The following SMPD4 variants were observed in gnomAD, a reference collection of about 807,000 sequenced individuals.
SMPD4 encodes neutral sphingomyelinase 3.
SMPD4 carries 58 observed loss-of-function variants against 97.8 expected under a neutral mutation model. That is an observed-to-expected ratio of 0.59 (90% CI 0.48 to 0.74). SMPD4 has a LOEUF of 0.74. Ranked by LOEUF, SMPD4 falls within the 30% of genes least tolerant of loss-of-function variation. The probability of loss-of-function intolerance (pLI) is 0.00; values close to 1 mark genes in which losing one functional copy is unlikely to be tolerated. For synonymous variants in SMPD4, 388 were observed against 450.0 expected, an observed-to-expected ratio of 0.86 and a Z score of 1.74; for missense variants, 853 against 1,080.5, an observed-to-expected ratio of 0.79 and a Z score of 2.95.
intron 9 of SMPD4, among the ~76,000 whole-genome samples, chr2:130,165,744 T>C (rs1687868207): frequency 6.6e-6 from 1 of 152,188 alleles, no homozygotes; most frequent in Non-Finnish European, 1.5e-5. Flanking sequence ...TCCTTGTTTT[T>C]CATTAGAAGA....
In SMPD4 at chr2:130,164,839, C is replaced by G. The variant is rs530162357; in HGVS notation, c.793-394G>C. On this transcript the variant is annotated intron_variant, in intron 9 of 19. Transcript: ENST00000680298. ...AAAAGGCAACCAACAGGCATGGTGG[C>G]TCAACCCTGTCATCCCAGCACTTTG... Among the ~76,000 whole-genome samples, 4 of 152,224 alleles carry G rather than the reference C, an allele frequency of 2.6e-5. No individual in the cohort carries two copies. In the South Asian group the frequency reaches 8.3e-4, roughly 32 times the overall value.
intron 1 of SMPD4, among the ~76,000 whole-genome samples, chr2:130,178,497 G>A (rs1042473448): frequency 6.6e-6 from 1 of 152,082 alleles, no homozygotes; most frequent in Non-Finnish European, 1.5e-5. Context: ...TAAGCCATGA[G>A]AAAACTAGGA....
intron 8 of SMPD4, among the ~76,000 whole-genome samples, chr2:130,170,381 G>C (rs1688332268): frequency 6.9e-6 from 1 of 143,978 alleles, no homozygotes; most frequent in South Asian, 2.2e-4. Flanking sequence ...CAGCTACTTG[G>C]GACTGAGCCA....
chr2:130,158,625 C>G (rs769912121), intron 11 of SMPD4, among the ~76,000 whole-genome samples: 1 of 152,186 alleles, frequency 6.6e-6, no homozygotes, highest in Non-Finnish European at 1.5e-5. Flanking sequence ...TCCTGGAGAT[C>G]TAGCCGGAGA....
intron 8 of SMPD4, among the ~76,000 whole-genome samples, chr2:130,168,321 G>A (rs1035961771): frequency 6.6e-6 from 1 of 152,130 alleles, no homozygotes; most frequent in Non-Finnish European, 1.5e-5. Context: ...ATACTTGGGG[G>A]GTTGAGACAG....
chr2:130,173,566 C>G lies in SMPD4; in HGVS notation c.217G>C (p.Gly73Arg). 1.2e-6 allele frequency: 2 copies of G among 1,613,688 alleles called. No individual in the cohort carries two copies. The highest frequency in any genetic ancestry group is 1.7e-6 in the Non-Finnish European group (2 of 1,179,748). Residue 73 changes from glycine to arginine, a missense_variant, in exon 4 of 20, where the codon GGG becomes CGG. Coordinates refer to ENST00000680298, the MANE Select transcript of SMPD4 (RefSeq NM_017951.5). ...CTGTACTCCACAGGATTCACGCGCC[C>G]CTGTAAGCAGCGGAGGTTCCAGCCA... ...LVGWNLRCLQGRVNPVEYSIV... is the reference protein window; with the variant it reads ...LVGWNLRCLQRRVNPVEYSIV...
At chr2:130,157,573 G>A (rs1686941038) in intron 11 of SMPD4, 177 bp from the exon 12 acceptor site, 9 of 1,306,202 alleles carry the variant, frequency 6.9e-6, no homozygotes, top group African/African-American at 5.9e-5. Context: ...GCACCCAGAT[G>A]TGCCTTGCAC....
Position 130,152,819 on chromosome 2 carries a change from G to C in SMPD4, c.2220C>G (p.His740Gln). 1 of 1,607,048 alleles carries C rather than the reference G, an allele frequency of 6.2e-7. No homozygotes were observed. Among genetic ancestry groups the C allele is most frequent in the Non-Finnish European group, 8.5e-7 (1 of 1,175,790 alleles). The change falls in exon 20 of 20, where the codon CAC becomes CAG. Residue 740 changes from histidine to glutamine, a missense_variant. Around this residue, in one of 3 missense-constraint regions of SMPD4, gnomAD observed 511 missense variants for 608.1 expected, o/e 0.84. Transcript: ENST00000680298. ...DDFLGSFCRY[H>Q]LTEPGLASRH... ...TGCTGGCCAGCCCAGGTTCTGTGAG[G>C]TGGTAGCGACAGAAGCTGCCGAGGA...
rs770954294 is a variant in SMPD4, at chr2:130,173,593, C to T, written c.190G>A (p.Val64Ile). Residue 64 changes from valine to isoleucine, a missense_variant, in exon 4 of 20, where the codon GTT becomes ATT. Val to Ile is a conservative substitution (Grantham distance 29). This residue lies in a region of SMPD4 where 313 missense variants were observed against 402.2 expected (regional missense o/e 0.78). Coordinates refer to ENST00000680298, the MANE Select transcript of SMPD4 (RefSeq NM_017951.5). ...TGTAAGCAGCGGAGGTTCCAGCCAACGAGGACACCATCTAGGCTGCCAAAA... is the reference window on the plus strand; with the variant it reads ...TGTAAGCAGCGGAGGTTCCAGCCAATGAGGACACCATCTAGGCTGCCAAAA... ...SIFGSLDGVLVGWNLRCLQGR... is the reference protein window; with the variant it reads ...SIFGSLDGVLIGWNLRCLQGR... The T allele has an allele frequency of 6.4e-5, 104 of 1,613,744 alleles. No homozygotes were observed. The highest frequency in any genetic ancestry group is 2.7e-4 in the East Asian group (12 of 44,894).
At position 130,153,345 on chromosome 2, in the gene SMPD4, T is replaced by C; in HGVS notation, c.1999A>G (p.Ile667Val). The change falls in exon 18 of 20, where the codon ATC becomes GTC. Residue 667 changes from isoleucine (I) to valine (V), a missense_variant. This residue lies in a region of SMPD4 where 511 missense variants were observed against 608.1 expected (regional missense o/e 0.84). Coordinates refer to ENST00000680298, the MANE Select transcript of SMPD4 (RefSeq NM_017951.5). ...TGGTACCGCCCCAGGGGCGTAAGGA[T>C]GAGTCCGTCCTCACCCACGATGCAG... is the stretch of plus-strand genomic sequence containing the variant. ...PDCIVGEDGL[I>V]LTPLGRYQII... The C allele has an allele frequency of 6.2e-7, 1 of 1,613,826 alleles. No individual in the cohort carries two copies. Among genetic ancestry groups the C allele is most frequent in the Non-Finnish European group, 8.5e-7 (1 of 1,180,026 alleles).
intron 9 of SMPD4, among the ~76,000 whole-genome samples, chr2:130,167,027 G>C (rs1687996730): frequency 6.6e-6 from 1 of 152,232 alleles, no homozygotes; most frequent in African/African-American, 2.4e-5. Flanking sequence ...TGTCACAGCA[G>C]GAAAATATCA....
In SMPD4 at chr2:130,161,187, T is replaced by C; in HGVS notation, c.950A>G (p.Gln317Arg). 6.2e-7 allele frequency: 1 copy of C among 1,612,712 alleles called. No individual in the cohort carries two copies. The highest frequency in any genetic ancestry group is 1.1e-5 in the South Asian group (1 of 91,012). Residue 317 changes from glutamine to arginine, a missense_variant and splice_region_variant, in exon 11 of 20, where the codon CAA (glutamine) becomes CGA (arginine). Physicochemically the swap from Gln to Arg is conservative, Grantham distance 43 (BLOSUM62 1). Around this residue, in one of 3 missense-constraint regions of SMPD4, gnomAD observed 313 missense variants for 402.2 expected, o/e 0.78. Transcript: ENST00000680298. The stretch of plus-strand genomic sequence containing the variant: ...GGAAGGGAACGAATGAGCCAGTACT[T>C]GGTAGGCGTGGAGGGCCTGGAGGCT... ...QPSLQALHAYQESFTPTEEHV... is the reference protein window; with the variant it reads ...QPSLQALHAYRESFTPTEEHV...
At chr2:130,157,614 T>C (rs1049431597) in intron 11 of SMPD4, 52 of 963,808 alleles carry the variant, frequency 5.4e-5, no homozygotes, top group Non-Finnish European at 7.4e-5. Flanking sequence ...CAGCTTGTGG[T>C]ATGGAAGTGC....
intron 1 of SMPD4, among the ~76,000 whole-genome samples, chr2:130,177,356 A>G (rs1348630686): frequency 6.6e-6 from 1 of 152,148 alleles, no homozygotes; most frequent in Non-Finnish European, 1.5e-5. Context: ...TGCTGGGATT[A>G]CAGGTGTGAG....
At chr2:130,156,186 G>A (rs183984189) in intron 13 of SMPD4, 51 bp from the exon 14 acceptor site, 55 of 1,525,754 alleles carry the variant, frequency 3.6e-5, no homozygotes, top group East Asian at 1.6e-4. Flanking sequence ...CCAAATACTC[G>A]GTGGCCTGGA....
At chr2:130,157,656 CCTCA>C (rs1007167852) in intron 11 of SMPD4, 12 of 647,130 alleles carry the variant, frequency 1.9e-5, no homozygotes, top group Middle Eastern at 4.5e-4. Context: ...CCTGGGGAGG[CCTCA>C]CTAAGACAGA....
At chr2:130,167,267 C>A (rs533356976) in intron 9 of SMPD4, among the ~76,000 whole-genome samples, 191 bp downstream of exon 9, 1 of 152,142 alleles carries the variant, frequency 6.6e-6, no homozygotes, top group Non-Finnish European at 1.5e-5. Context: ...ATTACAGGCG[C>A]CTGCCACCAC....
chr2:130,175,032 A>C lies in SMPD4; in HGVS notation c.40-32T>G, dbSNP rs561942056. ...GACAGAACAAAGCGAAAAAGTCACGAGGACATTCACTCTGCAGCTTTTAGT... is the reference window on the plus strand; with the variant it reads ...GACAGAACAAAGCGAAAAAGTCACGCGGACATTCACTCTGCAGCTTTTAGT... On this transcript the variant is annotated intron_variant, in intron 2 of 19. Coordinates refer to ENST00000680298, the MANE Select transcript of SMPD4 (RefSeq NM_017951.5). 164 of 1,514,534 alleles carry C rather than the reference A, an allele frequency of 1.1e-4. 3 individuals carry two copies. The South Asian group carries it at 1.6e-3, about 15-fold the overall frequency. 93.8% of individuals were successfully genotyped at this position (1,514,534 alleles called of 1,614,324 possible).
chr2:130,180,635 G>A (rs187872169), intron 1 of SMPD4, among the ~76,000 whole-genome samples: 18 of 152,346 alleles, frequency 1.2e-4, no homozygotes, highest in African/African-American at 4.3e-4. Context: ...AAGGCACTTG[G>A]TCAAGAAAAC....
Sources: allele counts gnomAD v4.1 joint callset (sites outside exome capture counted in the v4.1 genomes callset), GRCh38; gene constraint gnomAD v4.1.1; regional missense constraint gnomAD v4.1.1; transcripts MANE v1.5; gene names NCBI Gene and HGNC (gene_info 2026-07-23, HGNC 2026-07-21).